GLT1D1: variants seen among roughly 807,000 people sequenced by gnomAD.
GLT1D1 encodes glycosyltransferase 1 domain-containing protein 1.
GLT1D1 carries 21 observed loss-of-function variants against 28.7 expected under a neutral mutation model. That is an observed-to-expected ratio of 0.73 (90% CI 0.52 to 1.05). GLT1D1 has a LOEUF of 1.05. Among genes scored for constraint, GLT1D1 ranks in the 50% least tolerant of loss-of-function variants. GLT1D1 has a pLI of 0.00. For synonymous variants in GLT1D1, 147 were observed against 124.8 expected (o/e 1.18, Z -1.19); for missense variants, 343 against 330.6 (o/e 1.04, Z -0.29).
intron 1 of GLT1D1, among the ~76,000 whole-genome samples, chr12:128,866,903 GA>G (rs1956543267): frequency 6.6e-6 from 1 of 151,830 alleles, no homozygotes; most frequent in South Asian, 2.1e-4. Flanking sequence ...TTACAGGCAT[GA>G]GCCACTGCGC....
chr12:128,931,919 A>ACACACG lies in GLT1D1; in HGVS notation c.376-13402_376-13401insGCACAC, dbSNP rs1555270735. 6.7e-3 allele frequency among the ~76,000 whole-genome samples: 745 copies of ACACACG among 111,724 alleles called. 3 individuals are homozygous for ACACACG. Among genetic ancestry groups the ACACACG allele is most frequent in the African/African-American group, 0.021 (702 of 34,152 alleles). The allele number at this position is 111,724 out of a possible 152,430, so 73.3% of individuals were successfully genotyped here. On this transcript the variant is annotated intron_variant, in intron 4 of 7. Transcript: ENST00000281703. ...AGGATATGTGCACACACACGCACGC[A>ACACACG]CACACACACACACACACACACAACG...
chr12:128,925,422 G>A (rs1000163188), intron 4 of GLT1D1, among the ~76,000 whole-genome samples: 7 of 152,190 alleles, frequency 4.6e-5, no homozygotes, highest in Non-Finnish European at 7.3e-5. Flanking sequence ...ACTGATAAGT[G>A]AGAACATTCG....
At position 128,870,171 on chromosome 12, in the gene GLT1D1, G is replaced by C. The variant is rs373337477; in HGVS notation, c.69-5743G>C. On this transcript the variant is annotated intron_variant, in intron 1 of 7. Coordinates refer to ENST00000281703, the MANE Select transcript of GLT1D1 (RefSeq NM_144669.3). ...TGTGATCCACCTGCCTCAGCCTGTT[G>C]GGATTACGGTCACTCCAGCCTGGGC... is the stretch of plus-strand genomic sequence containing the variant. Among the ~76,000 whole-genome samples the C allele has an allele frequency of 2.4e-4, 37 of 152,002 alleles. 1 individual carries two copies. The East Asian group carries it at 2.7e-3, about 11-fold the overall frequency.
At chr12:128,945,595 G>C (rs982099834) in intron 5 of GLT1D1, among the ~76,000 whole-genome samples, 1 of 152,210 alleles carries the variant, frequency 6.6e-6, no homozygotes, top group Admixed American at 6.5e-5. Context: ...GATCACATTG[G>C]CCAGAATGGA....
chr12:128,928,397 C>T (rs966088799), intron 4 of GLT1D1, among the ~76,000 whole-genome samples: 3 of 152,138 alleles, frequency 2.0e-5, no homozygotes, highest in Admixed American at 6.5e-5. Context: ...GATATTCACT[C>T]GTCCCTCACC....
At chr12:128,873,134 G>T (rs1956741793) in intron 1 of GLT1D1, among the ~76,000 whole-genome samples, 1 of 152,134 alleles carries the variant, frequency 6.6e-6, no homozygotes, top group African/African-American at 2.4e-5. Flanking sequence ...GAGCCCAAAT[G>T]ATCCTCCGAC....
chr12:128,963,906 G>A lies in GLT1D1; in HGVS notation c.639+6263G>A, dbSNP rs186089281. The stretch of plus-strand genomic sequence containing the variant: ...CCTCTGCATCATCGGCCCATCATGA[G>A]CGACACCTGTCTTAGTCTGTTCCGG... On this transcript the variant is annotated intron_variant, in intron 7 of 7. Transcript: ENST00000281703. Among the ~76,000 whole-genome samples the A allele has an allele frequency of 2.2e-3, 329 of 152,338 alleles. 1 individual carries two copies. Among genetic ancestry groups the A allele is most frequent in the Non-Finnish European group, 3.2e-3 (218 of 68,042 alleles).
At chr12:128,928,610 TG>T (rs1483556271) in intron 4 of GLT1D1, among the ~76,000 whole-genome samples, 1 of 147,510 alleles carries the variant, frequency 6.8e-6, no homozygotes, top group East Asian at 2.0e-4. Flanking sequence ...CGCGTGTTTG[TG>T]GTTTTTTTTT....
intron 4 of GLT1D1, among the ~76,000 whole-genome samples, chr12:128,909,595 G>A (rs951003999): frequency 5.3e-5 from 8 of 152,174 alleles, no homozygotes; most frequent in African/African-American, 1.7e-4. Context: ...AATTGTGCCT[G>A]TATTTCAAAA....
chr12:128,854,083 T>C (rs1956144285), intron 1 of GLT1D1, among the ~76,000 whole-genome samples: 1 of 151,930 alleles, frequency 6.6e-6, no homozygotes, highest in Non-Finnish European at 1.5e-5. Context: ...CTCGGCTGTG[T>C]GCCGGCGTCC....
At chr12:128,936,421 T>C (rs1429537262) in intron 4 of GLT1D1, among the ~76,000 whole-genome samples, 1 of 152,226 alleles carries the variant, frequency 6.6e-6, no homozygotes, top group East Asian at 1.9e-4. Context: ...CCCAAAGTGC[T>C]GGGATGACAG....
At chr12:128,854,086 C>G (rs772136323) in intron 1 of GLT1D1, among the ~76,000 whole-genome samples, 1 of 152,016 alleles carries the variant, frequency 6.6e-6, no homozygotes, top group African/African-American at 2.4e-5. Context: ...GGCTGTGTGC[C>G]GGCGTCCGGG....
Position 128,982,998 on chromosome 12 carries a change from AG to A in GLT1D1, c.712del (p.Glu238AsnfsTer3). 6.2e-7 allele frequency: 1 copy of A among 1,613,960 alleles called. No individual in the cohort carries two copies. The highest frequency in any genetic ancestry group is 8.5e-7 in the Non-Finnish European group (1 of 1,179,798). On this transcript the variant is annotated frameshift_variant, in exon 8 of 8. Coordinates refer to ENST00000281703, the MANE Select transcript of GLT1D1 (RefSeq NM_144669.3). LOFTEE classifies it low-confidence loss of function (END_TRUNC). The stretch of plus-strand genomic sequence containing the variant: ...AGAAAAGGAAATCGTAGTGAACGGA[AG>A]GGAATACGTGAGAATGTATCATTCA...
chr12:128,899,513 A>G (rs1593102324), intron 4 of GLT1D1, among the ~76,000 whole-genome samples: 1 of 149,862 alleles, frequency 6.7e-6, no homozygotes, highest in East Asian at 2.0e-4. Flanking sequence ...TAGCCCAGTA[A>G]TGGTTGTATG....
At chr12:128,959,429 GAGGTGGCAGCGGGGTGGGGAACGGCGGGT>G (rs1877688153) in intron 7 of GLT1D1, among the ~76,000 whole-genome samples, 2 of 105,864 alleles carry the variant, frequency 1.9e-5, no homozygotes, top group African/African-American at 3.4e-5. Flanking sequence ...GACGGGTGGG[GAGGTGGCAGCGGGGTGGGGAACGGCGGGT>G]GGTGGGGGGG....
chr12:128,982,253 G>T (rs1278601467), intron 7 of GLT1D1, among the ~76,000 whole-genome samples: 1 of 152,092 alleles, frequency 6.6e-6, no homozygotes, highest in Non-Finnish European at 1.5e-5. Context: ...GTAGGGCTGG[G>T]TTTACCGATT....
chr12:128,966,549 A>C (rs946538135), intron 7 of GLT1D1, among the ~76,000 whole-genome samples: 1 of 152,158 alleles, frequency 6.6e-6, no homozygotes, highest in African/African-American at 2.4e-5. Context: ...CCAGGAGAGC[A>C]GTTTCTCCAA....
At chr12:128,854,837 T>C (rs1365180379) in intron 1 of GLT1D1, among the ~76,000 whole-genome samples, 3 of 152,228 alleles carry the variant, frequency 2.0e-5, no homozygotes, top group Admixed American at 6.5e-5. Context: ...CCACCAACAC[T>C]TTCATGTCCC....
At chr12:128,927,874 C>T (rs1873396825) in intron 4 of GLT1D1, among the ~76,000 whole-genome samples, 1 of 150,894 alleles carries the variant, frequency 6.6e-6, no homozygotes, top group Admixed American at 6.6e-5. Context: ...GTGGTGGGTG[C>T]CTATAATCCC....
Sources: gnomAD v4.1 joint callset for allele counts (sites outside exome capture counted in the v4.1 genomes callset) on GRCh38, gnomAD v4.1.1 for gene constraint, MANE v1.5 for transcripts, NCBI Gene and HGNC (gene_info 2026-07-23, HGNC 2026-07-21) for gene names.